Variants in MED13L observed in about 807,000 individuals in gnomAD.
MED13L encodes mediator complex subunit 13L, also known as mediator of RNA polymerase II transcription subunit 13-like.
Under a neutral mutation model 220.9 loss-of-function variants are expected in MED13L, and 7 were observed. The ratio of observed to expected loss-of-function variants is 0.03; its 90% CI spans 0.02 to 0.06. MED13L has a LOEUF of 0.06. MED13L is among the 10% of genes least tolerant of loss of function. The pLI, the probability that MED13L is intolerant of heterozygous loss-of-function variation, is 1.00. For missense variants in MED13L, 1,965 were observed against 2,760.5 expected (o/e 0.71, Z 6.46); for synonymous variants, 1,011 against 1,015.2 (o/e 1.00, Z 0.08).
At chr12:116,073,805 G>A (rs570255636) in intron 4 of MED13L, among the ~76,000 whole-genome samples, 24 of 152,218 alleles carry the variant, frequency 1.6e-4, no homozygotes, top group South Asian at 1.0e-3. Flanking sequence ...ATTATCTTCC[G>A]TTTCCTAAAT....
intron 1 of MED13L, among the ~76,000 whole-genome samples, chr12:116,262,181 GTC>G (rs1872559546): frequency 1.3e-5 from 2 of 151,924 alleles, no homozygotes; most frequent in African/African-American, 4.8e-5. Flanking sequence ...AAAATGTATG[GTC>G]TGTTATTGTA....
At chr12:115,972,612 G>A in intron 25 of MED13L, 1 of 305,240 alleles carries the variant, frequency 3.3e-6, no homozygotes, top group South Asian at 3.2e-5. Context: ...TCAGTACTCT[G>A]CTCTGGAGGA....
In MED13L at chr12:116,212,111, A is replaced by T. The variant is rs370515175; in HGVS notation, c.310+25357T>A. Among the ~76,000 whole-genome samples, 33 of 152,318 alleles carry T rather than the reference A, an allele frequency of 2.2e-4. No homozygotes were observed. The East Asian group carries it at 2.3e-3, about 11-fold the overall frequency. Reference sequence around the variant, plus strand: ...TTGATAGGTTTTTGAAAACTGCAAAAGTGAAATAACATATAACAAAATCAG... The same window carrying T: ...TTGATAGGTTTTTGAAAACTGCAAATGTGAAATAACATATAACAAAATCAG... On this transcript the variant is annotated intron_variant, in intron 2 of 30. Transcript: ENST00000281928.
Position 116,092,160 on chromosome 12 carries a change from A to T in MED13L, c.479+4509T>A, listed in dbSNP as rs193048161. On this transcript the variant is annotated intron_variant, in intron 4 of 30. Coordinates refer to ENST00000281928, the MANE Select transcript of MED13L (RefSeq NM_015335.5). Reference sequence around the variant, plus strand: ...AAGCCCTTATTAACAGATAGGCACCACATGTGCAAAGTAAATTTATGAGTA... The same window carrying T: ...AAGCCCTTATTAACAGATAGGCACCTCATGTGCAAAGTAAATTTATGAGTA... Among the ~76,000 whole-genome samples the T allele has an allele frequency of 4.0e-4, 61 of 152,362 alleles. 1 individual carries two copies. The highest frequency in any genetic ancestry group is 1.0e-4 in the Non-Finnish European group (7 of 68,040).
Position 115,975,693 on chromosome 12 carries a change from G to A in MED13L, c.5410C>T (p.Pro1804Ser). ...AGCTCTGTCTGCTTGTCTTTGATTGGGGCCAATATAAAGGGAGGGGAGTAA... is the reference window on the plus strand; with the variant it reads ...AGCTCTGTCTGCTTGTCTTTGATTGAGGCCAATATAAAGGGAGGGGAGTAA... Reference protein sequence around the residue: ...QLYSPPFILAPIKDKQTELGE... With the variant: ...QLYSPPFILASIKDKQTELGE... The change falls in exon 24 of 31, where the codon CCA becomes TCA. Residue 1804 changes from proline (P) to serine (S), a missense_variant. By Grantham distance (74) the Pro-to-Ser change is moderately conservative (BLOSUM62 -1). Coordinates refer to ENST00000281928, the MANE Select transcript of MED13L (RefSeq NM_015335.5). 1 of 1,613,918 alleles carries A rather than the reference G, an allele frequency of 6.2e-7. No homozygotes were observed. The highest frequency in any genetic ancestry group is 8.5e-7 in the Non-Finnish European group (1 of 1,179,996).
At chr12:116,024,924 C>G (rs2137459321) in intron 4 of MED13L, among the ~76,000 whole-genome samples, 1 of 152,126 alleles carries the variant, frequency 6.6e-6, no homozygotes, top group East Asian at 1.9e-4. Context: ...TCTTTTAAAT[C>G]AAGTGTCTGT....
chr12:116,195,613 G>C (rs1234064793), intron 2 of MED13L, among the ~76,000 whole-genome samples: 1 of 151,988 alleles, frequency 6.6e-6, no homozygotes, highest in Admixed American at 6.6e-5. Flanking sequence ...TACCACACCA[G>C]CTAATTTTTG....
chr12:116,108,178 T>C (rs1314805070), intron 3 of MED13L, among the ~76,000 whole-genome samples: 13 of 151,528 alleles, frequency 8.6e-5, no homozygotes, highest in Non-Finnish European at 1.5e-5. Flanking sequence ...CTTATCTGAA[T>C]AGAAATGAAA....
rs180737201 is a variant in MED13L, at chr12:115,996,178, C to T, written c.2996+298G>A. Among the ~76,000 whole-genome samples the T allele has an allele frequency of 3.3e-5, 5 of 152,158 alleles. No individual in the cohort carries two copies. The East Asian group carries it at 9.7e-4, about 29-fold the overall frequency. ...CGATCTTGGCTCACTGCAACCTCCA[C>T]CTCCCGGGTTCAAGCGATTCTCCTG... is the stretch of plus-strand genomic sequence containing the variant. On this transcript the variant is annotated intron_variant, in intron 16 of 30. Coordinates refer to ENST00000281928, the MANE Select transcript of MED13L (RefSeq NM_015335.5).
intron 23 of MED13L, among the ~76,000 whole-genome samples, chr12:115,978,326 C>CTTTTT (rs60887652): frequency 7.6e-6 from 1 of 132,184 alleles, no homozygotes; most frequent in Non-Finnish European, 1.6e-5. Flanking sequence ...AATTTTTTTT[C>CTTTTT]TTTTTTTTTT....
intron 2 of MED13L, among the ~76,000 whole-genome samples, chr12:116,144,703 A>T (rs1481252649): frequency 6.6e-6 from 1 of 152,236 alleles, no homozygotes; most frequent in Non-Finnish European, 1.5e-5. Flanking sequence ...TGTCTCTGGC[A>T]GAGAATATGT....
At chr12:116,063,435 T>C (rs967263639) in intron 4 of MED13L, among the ~76,000 whole-genome samples, 1 of 152,196 alleles carries the variant, frequency 6.6e-6, no homozygotes, top group Non-Finnish European at 1.5e-5. Flanking sequence ...GGAGGATTCC[T>C]TGAACCCAGG....
At chr12:116,084,840 T>G (rs1871509367) in intron 4 of MED13L, among the ~76,000 whole-genome samples, 1 of 151,988 alleles carries the variant, frequency 6.6e-6, no homozygotes, top group African/African-American at 2.4e-5. Context: ...AACTGATGTT[T>G]TAAATCACAG....
intron 2 of MED13L, among the ~76,000 whole-genome samples, chr12:116,147,214 A>G (rs183078582): frequency 6.6e-6 from 1 of 152,310 alleles, no homozygotes; most frequent in East Asian, 1.9e-4. Flanking sequence ...AGCTTTTCCT[A>G]TTACAAATGA....
chr12:116,119,164 T>C (rs1239540217), intron 2 of MED13L, among the ~76,000 whole-genome samples: 1 of 152,150 alleles, frequency 6.6e-6, no homozygotes, highest in Non-Finnish European at 1.5e-5. Flanking sequence ...AAACTAAAAA[T>C]ACTGATTCTC....
chr12:115,971,535 G>A (rs1876584213), intron 26 of MED13L, among the ~76,000 whole-genome samples: 1 of 152,180 alleles, frequency 6.6e-6, no homozygotes, highest in Non-Finnish European at 1.5e-5. Flanking sequence ...AGATTCTTAA[G>A]AAATTCTGTG....
intron 4 of MED13L, among the ~76,000 whole-genome samples, chr12:116,096,242 C>A (rs897434101): frequency 6.7e-6 from 1 of 149,276 alleles, no homozygotes; most frequent in Non-Finnish European, 1.5e-5. Context: ...GTGGTCCCAG[C>A]TACTTGGGAG....
Position 115,996,540 on chromosome 12 carries a change from T to A in MED13L, c.2932A>T (p.Ile978Phe). 1 of 1,614,172 alleles carries A rather than the reference T, an allele frequency of 6.2e-7. No individual in the cohort carries two copies. Among genetic ancestry groups the A allele is most frequent in the Non-Finnish European group, 8.5e-7 (1 of 1,180,012 alleles). ...DACLFRPSWA[I>F]PPKIEQLPMP... ...GGCAGTTGTTCAATTTTAGGAGGAA[T>A]TGCCCATGAAGGCCGAAACAGACAG... Residue 978 changes from isoleucine to phenylalanine, a missense_variant, in exon 16 of 31, where the codon ATT becomes TTT. Coordinates refer to ENST00000281928, the MANE Select transcript of MED13L (RefSeq NM_015335.5).
At chr12:115,981,280 T>C (rs1169604069) in intron 22 of MED13L, among the ~76,000 whole-genome samples, 1 of 152,230 alleles carries the variant, frequency 6.6e-6, no homozygotes, top group African/African-American at 2.4e-5. Context: ...TATTTCTTTT[T>C]ATAATTACAC....
Sources: gnomAD v4.1 joint callset for allele counts (sites outside exome capture counted in the v4.1 genomes callset) on GRCh38, gnomAD v4.1.1 for gene constraint, MANE v1.5 for transcripts, NCBI Gene and HGNC (gene_info 2026-07-23, HGNC 2026-07-21) for gene names.